Variants in ADGRE5 observed in about 807,000 individuals in gnomAD.
ADGRE5 encodes the protein adhesion G protein-coupled receptor E5, also known as CD97 molecule.
Under a neutral mutation model 100.3 loss-of-function variants are expected in ADGRE5, and 72 were observed. The ratio of observed to expected loss-of-function variants is 0.72; its 90% CI spans 0.59 to 0.87. The LOEUF (loss-of-function observed/expected upper bound fraction) is 0.87, where lower values mean the gene tolerates loss of function less well. Among genes scored for constraint, ADGRE5 ranks in the 40% least tolerant of loss-of-function variants. The probability of loss-of-function intolerance (pLI) is 0.00; values close to 1 mark genes in which losing one functional copy is unlikely to be tolerated. For missense variants in ADGRE5, 959 were observed against 1,094.7 expected, an observed-to-expected ratio of 0.88 and a Z score of 1.75; for synonymous variants, 439 against 447.8, an observed-to-expected ratio of 0.98 and a Z score of 0.25.
At chr19:14,396,192 C>T in intron 4 of ADGRE5, 150 bp from the exon 5 acceptor site, 1 of 1,436,900 alleles carries the variant, frequency 7.0e-7, no homozygotes, top group Non-Finnish European at 9.5e-7. Context: ...GAGCCACCAC[C>T]CTCACCATAG....
Position 14,408,527 on chromosome 19 carries a change from A to C in ADGRE5, c.*406A>C. 2.3e-6 allele frequency: 1 copy of C among 441,218 alleles called. No individual in the cohort carries two copies. Among genetic ancestry groups the C allele is most frequent in the Non-Finnish European group, 4.1e-6 (1 of 244,068 alleles). 27.3% of individuals were successfully genotyped at this position (441,218 alleles called of 1,614,324 possible). On this transcript the variant is annotated 3_prime_UTR_variant, in exon 20 of 20. Coordinates refer to ENST00000242786, the MANE Select transcript of ADGRE5 (RefSeq NM_078481.4). The stretch of plus-strand genomic sequence containing the variant: ...GGCGCTGGGGCTCAGCTTCCCTCTT[A>C]AGCTAAGACTGATGTCAGAGGCCCC...
At chr19:14,382,315 G>C (rs1288289938) in intron 1 of ADGRE5, among the ~76,000 whole-genome samples, 4 of 152,196 alleles carry the variant, frequency 2.6e-5, no homozygotes, top group African/African-American at 9.6e-5. Flanking sequence ...CTTGGCTTGA[G>C]AGTGAGAGAC....
At position 14,406,239 on chromosome 19, in the gene ADGRE5, C is replaced by T; in HGVS notation, c.1822-92C>T. 9.7e-7 allele frequency: 1 copy of T among 1,036,174 alleles called. No individual in the cohort carries two copies. 64.2% of individuals were successfully genotyped at this position (1,036,174 alleles called of 1,614,324 possible). On this transcript the variant is annotated intron_variant, in intron 14 of 19. Transcript: ENST00000242786. This position sits in a 1 kb window ranked among gnomAD's most constrained non-coding sequence, Gnocchi z 6.0. Reference sequence around the variant, plus strand: ...CGCCCACCCTCCGGCTGTGGTCCCGCCCACTCTCGGGACCTGGCAGGCGAC... The same window carrying T: ...CGCCCACCCTCCGGCTGTGGTCCCGTCCACTCTCGGGACCTGGCAGGCGAC...
chr19:14,400,196 T>A (rs990974621), intron 9 of ADGRE5, among the ~76,000 whole-genome samples: 1 of 151,946 alleles, frequency 6.6e-6, no homozygotes, highest in Non-Finnish European at 1.5e-5. Context: ...ATTTTTTGCA[T>A]TTTTTAGTAG....
In ADGRE5 at chr19:14,406,632, G is replaced by T. The variant is rs934787537; in HGVS notation, c.2049-68G>T. On this transcript the variant is annotated intron_variant, in intron 15 of 19. Coordinates refer to ENST00000242786, the MANE Select transcript of ADGRE5 (RefSeq NM_078481.4). This position sits in a 1 kb window ranked among gnomAD's most constrained non-coding sequence, Gnocchi z 6.0. ...GCTCACAGGCAGTGCCACACACAAT[G>T]TCCGGCCGCCCTCCGTTCCGCTCCT... 6.2e-7 allele frequency: 1 copy of T among 1,602,848 alleles called. No homozygotes were observed. The highest frequency in any genetic ancestry group is 8.5e-7 in the Non-Finnish European group (1 of 1,170,168).
At chr19:14,398,770 A>G (rs549435375) in intron 9 of ADGRE5, among the ~76,000 whole-genome samples, 1 of 149,196 alleles carries the variant, frequency 6.7e-6, no homozygotes, top group East Asian at 2.0e-4. Context: ...AAGGCAAGTG[A>G]CTTGCCCTCT....
In ADGRE5 at chr19:14,391,064, G is replaced by A. The variant is rs781640436; in HGVS notation, c.331G>A (p.Glu111Lys). The A allele has an allele frequency of 6.2e-6, 10 of 1,614,190 alleles. No homozygotes were observed. Among genetic ancestry groups the A allele is most frequent in the Non-Finnish European group, 8.5e-6 (10 of 1,180,050 alleles). The change falls in exon 4 of 20, where the codon GAG (glutamate) becomes AAG (lysine). Residue 111 changes from glutamate (E) to lysine (K), a missense_variant. This residue lies in a region of ADGRE5 where 114 missense variants were observed against 195.7 expected (regional missense o/e 0.58). Coordinates refer to ENST00000242786, the MANE Select transcript of ADGRE5 (RefSeq NM_078481.4). The part of the protein sequence containing the change: ...SGAKTFKNES[E>K]NTCQDVDECQ... The stretch of plus-strand genomic sequence containing the variant: ...GGCAAAAACATTCAAGAATGAGAGC[G>A]AGAACACCTGTCAAGGTAAGAACCA...
rs1393821170 is a variant in ADGRE5, at chr19:14,407,929, T to A, written c.2398T>A (p.Trp800Arg). The stretch of plus-strand genomic sequence containing the variant: ...GCAGGTTCGGGAAGAATACCGGAAG[T>A]GGGCCTGCCTAGTTGCTGGGGGGAG... ...NKKVREEYRK[W>R]ACLVAGGSKY... Residue 800 changes from tryptophan (W) to arginine (R), a missense_variant, in exon 19 of 20, where the codon TGG becomes AGG. Around this residue, in one of 6 missense-constraint regions of ADGRE5, gnomAD observed 428 missense variants for 386.2 expected, o/e 1.11. Coordinates refer to ENST00000242786, the MANE Select transcript of ADGRE5 (RefSeq NM_078481.4). 6.2e-7 allele frequency: 1 copy of A among 1,614,024 alleles called. No individual in the cohort carries two copies. The highest frequency in any genetic ancestry group is 1.3e-5 in the African/African-American group (1 of 75,044).
Position 14,406,225 on chromosome 19 carries a change from C to T in ADGRE5, c.1822-106C>T. The T allele has an allele frequency of 1.1e-6, 1 of 919,822 alleles. No individual in the cohort carries two copies. The highest frequency in any genetic ancestry group is 1.6e-6 in the Non-Finnish European group (1 of 623,916). 57.0% of individuals were successfully genotyped at this position (919,822 alleles called of 1,614,324 possible). A position where few individuals can be genotyped will look rare whatever the true frequency, so the allele number is the denominator to read the frequency against. On this transcript the variant is annotated intron_variant, in intron 14 of 19. Coordinates refer to ENST00000242786, the MANE Select transcript of ADGRE5 (RefSeq NM_078481.4). The surrounding 1 kb of genome is among the most constrained non-coding windows in gnomAD (Gnocchi z 6.0). ...CCCCGCTCCAGACCCGCCCACCCTCCGGCTGTGGTCCCGCCCACTCTCGGG... is the reference window on the plus strand; with the variant it reads ...CCCCGCTCCAGACCCGCCCACCCTCTGGCTGTGGTCCCGCCCACTCTCGGG...
In ADGRE5 at chr19:14,402,617, C is replaced by T. The variant is rs759903607; in HGVS notation, c.1204C>T (p.Leu402Phe). Residue 402 changes from leucine to phenylalanine, a missense_variant, in exon 12 of 20, where the codon CTC becomes TTC. Physicochemically the swap from Leu to Phe is conservative, Grantham distance 22. Transcript: ENST00000242786. ...EDPGPAVAGI[L>F]SIQNMTTLLA... ...CCCAGGCCCCGCCGTGGCGGGCATC[C>T]TCTCCATCCAGAACATGACGACATT... 11 of 1,614,094 alleles carry T rather than the reference C, an allele frequency of 6.8e-6. No homozygotes were observed. In the East Asian group the frequency reaches 1.3e-4, roughly 20 times the overall value.
At position 14,408,039 on chromosome 19, in the gene ADGRE5, G is replaced by A. The variant is rs372142422; in HGVS notation, c.2478+30G>A. The stretch of plus-strand genomic sequence containing the variant: ...GGGGCTGCGCCTGGGGCGGGTGTGG[G>A]CAGGAAGGCACCAGGGCTAGCGGGG... On this transcript the variant is annotated intron_variant, in intron 19 of 19. Transcript: ENST00000242786. The A allele has an allele frequency of 7.4e-6, 12 of 1,613,886 alleles. No individual in the cohort carries two copies. In the African/African-American group the frequency reaches 1.6e-4, roughly 22 times the overall value.
intron 1 of ADGRE5, among the ~76,000 whole-genome samples, chr19:14,385,715 TGAGGAAGCGTG>T (rs1171112878): frequency 1.3e-5 from 2 of 151,278 alleles, no homozygotes; most frequent in Non-Finnish European, 2.9e-5. Flanking sequence ...CCTGTGTCCC[TGAGGAAGCGTG>T]GAGGTCCAGG....
Position 14,401,769 on chromosome 19 carries a change from G to A in ADGRE5, c.1183+9G>A, listed in dbSNP as rs761989966. 16 of 1,536,944 alleles carry A rather than the reference G, an allele frequency of 1.0e-5. No homozygotes were observed. Among genetic ancestry groups the A allele is most frequent in the Admixed American group, 2.0e-5 (1 of 49,454 alleles). On this transcript the variant is annotated intron_variant, in intron 11 of 19. Transcript: ENST00000242786. The surrounding 1 kb of genome is among the most constrained non-coding windows in gnomAD (Gnocchi z 4.1). Reference sequence around the variant, plus strand: ...TGGAGCCGAGGATCCAGGTAGCAGCGGTGGTCTGGAGGGGGAGCCCGTGGG... The same window carrying A: ...TGGAGCCGAGGATCCAGGTAGCAGCAGTGGTCTGGAGGGGGAGCCCGTGGG...
chr19:14,390,330 T>C (rs548049435), intron 3 of ADGRE5, among the ~76,000 whole-genome samples: 1 of 149,034 alleles, frequency 6.7e-6, no homozygotes, highest in South Asian at 2.1e-4. Context: ...TTTTTTCCTT[T>C]TTTTTTTTTT....
At chr19:14,395,594 C>G (rs894312400) in intron 4 of ADGRE5, among the ~76,000 whole-genome samples, 1 of 152,250 alleles carries the variant, frequency 6.6e-6, no homozygotes, top group African/African-American at 2.4e-5. Flanking sequence ...CAGGCCCCCG[C>G]TCACGGCCAG....
intron 4 of ADGRE5, chr19:14,391,470 C>T (rs954684144): frequency 3.8e-5 from 7 of 185,316 alleles, no homozygotes; most frequent in Non-Finnish European, 7.9e-5. Flanking sequence ...CAAGACCCCA[C>T]CCCTATAAAA....
intron 1 of ADGRE5, among the ~76,000 whole-genome samples, chr19:14,383,788 G>A (rs770076571): frequency 5.3e-5 from 8 of 151,946 alleles, no homozygotes; most frequent in Admixed American, 1.3e-4. Flanking sequence ...GTAGCCTCAC[G>A]GTGGGAGTAG....
At chr19:14,399,969 A>G (rs527881857) in intron 9 of ADGRE5, among the ~76,000 whole-genome samples, 1 of 151,504 alleles carries the variant, frequency 6.6e-6, no homozygotes, top group South Asian at 2.1e-4. Context: ...CCTCCCAAGT[A>G]TTAAGAGCTG....
At chr19:14,387,138 G>A (rs997815612) in intron 1 of ADGRE5, among the ~76,000 whole-genome samples, 3 of 152,078 alleles carry the variant, frequency 2.0e-5, no homozygotes, top group African/African-American at 4.8e-5. Flanking sequence ...GGGAGTGGGC[G>A]CCATCATCCC....
Sources: gnomAD v4.1 joint callset for allele counts (sites outside exome capture counted in the v4.1 genomes callset) on GRCh38, gnomAD v4.1.1 for gene constraint, gnomAD v4.1.1 regional missense constraint, Gnocchi (gnomAD v3.1) non-coding constraint, MANE v1.5 for transcripts, NCBI Gene and HGNC (gene_info 2026-07-23, HGNC 2026-07-21) for gene names.